Variants in CHD9 observed in about 807,000 individuals in gnomAD.
CHD9 encodes ATP-dependent chromatin remodeler CHD9.
CHD9 carries 77 observed loss-of-function variants against 316.1 expected under a neutral mutation model. That is an observed-to-expected ratio of 0.24 (90% CI 0.20 to 0.29). The LOEUF is 0.29. Ranked by LOEUF, CHD9 falls within the 10% of genes least tolerant of loss-of-function variation. The pLI is 1.00. For missense variants in CHD9, 2,763 were observed against 3,438.1 expected, an observed-to-expected ratio of 0.80 and a Z score of 4.91; for synonymous variants, 1,129 against 1,158.3, an observed-to-expected ratio of 0.97 and a Z score of 0.51.
At chr16:53,192,771 A>C (rs1490046462) in intron 2 of CHD9, among the ~76,000 whole-genome samples, 1 of 152,190 alleles carries the variant, frequency 6.6e-6, no homozygotes, top group Admixed American at 6.5e-5. Flanking sequence ...ACTTCTGTTT[A>C]GCATAGAACA....
chr16:53,231,775 A>G lies in CHD9; in HGVS notation c.2502A>G (p.Thr834=). 6.3e-7 allele frequency: 1 copy of G among 1,598,964 alleles called. No individual in the cohort carries two copies. The highest frequency in any genetic ancestry group is 8.5e-7 in the Non-Finnish European group (1 of 1,175,926). ...FEQLQASRPD[T]RRLDRPPSNI... ...AACTGCAAGCTTCAAGGCCTGACAC[A>G]AGACGTTTGGTAAGAACCTGTTTTA... The change falls in exon 10 of 39, where the codon ACA becomes ACG. Residue 834 remains threonine, a synonymous_variant. Transcript: ENST00000447540.
At chr16:53,089,768 C>A (rs1229814946) in intron 1 of CHD9, among the ~76,000 whole-genome samples, 1 of 152,142 alleles carries the variant, frequency 6.6e-6, no homozygotes, top group Admixed American at 6.5e-5. Flanking sequence ...AGACTGATGG[C>A]AGTTGAGTAT....
At position 53,231,473 on chromosome 16, in the gene CHD9, GT is replaced by G; in HGVS notation, c.2342del (p.Val781AlafsTer17). Reference protein sequence around the residue: ...DYVEVDRVLEVSFCEDKDTGE... With the variant: ...DYVEVDRVLEXSFCEDKDTGE... ...CGTTGAAGTAGACAGAGTATTAGAA[GT>G]CTCTTTTTGTGAAGATAAGGATACT... On this transcript the variant is annotated frameshift_variant, in exon 9 of 39. Coordinates refer to ENST00000447540, the MANE Select transcript of CHD9 (RefSeq NM_001308319.2). LOFTEE classifies it high-confidence loss of function. 6.3e-7 allele frequency: 1 copy of G among 1,599,762 alleles called. No homozygotes were observed. Among genetic ancestry groups the G allele is most frequent in the East Asian group, 2.2e-5 (1 of 44,670 alleles).
At chr16:53,101,279 T>C (rs1427467166) in intron 1 of CHD9, among the ~76,000 whole-genome samples, 5 of 149,776 alleles carry the variant, frequency 3.3e-5, no homozygotes, top group African/African-American at 9.8e-5. Context: ...TTTTCTTTTT[T>C]TTTTTTTTTT....
At chr16:53,283,646 T>G (rs1397272156) in intron 24 of CHD9, among the ~76,000 whole-genome samples, 4 of 152,200 alleles carry the variant, frequency 2.6e-5, no homozygotes, top group Admixed American at 2.0e-4. Flanking sequence ...TTAATCCTAC[T>G]TAATAACTCG....
At position 53,121,401 on chromosome 16, in the gene CHD9, C is replaced by T. The variant is rs556673691; in HGVS notation, c.-164-34525C>T. 8.8e-6 allele frequency: 4 copies of T among 456,036 alleles called. No homozygotes were observed. The East Asian group carries it at 2.8e-4, about 32-fold the overall frequency. The allele number at this position is 456,036 out of a possible 1,614,324, so 28.2% of individuals were successfully genotyped here. On this transcript the variant is annotated intron_variant, in intron 1 of 38. Coordinates refer to ENST00000447540, the MANE Select transcript of CHD9 (RefSeq NM_001308319.2). Reference sequence around the variant, plus strand: ...ATATTTTATCAAGGAAACCAGCAAACCGTCTTTTTCCTGAAGACCTTTTAA... The same window carrying T: ...ATATTTTATCAAGGAAACCAGCAAATCGTCTTTTTCCTGAAGACCTTTTAA...
chr16:53,231,801 G>C lies in CHD9; in HGVS notation c.2511+17G>C. The C allele has an allele frequency of 6.3e-7, 1 of 1,577,264 alleles. No individual in the cohort carries two copies. The highest frequency in any genetic ancestry group is 1.2e-5 in the South Asian group (1 of 84,774). On this transcript the variant is annotated intron_variant, in intron 10 of 38. Transcript: ENST00000447540. ...AGACGTTTGGTAAGAACCTGTTTTA[G>C]ACAGCTTTATAAAATCTTAGCACTT...
At chr16:53,106,140 G>A (rs1388000895) in intron 1 of CHD9, among the ~76,000 whole-genome samples, 1 of 152,092 alleles carries the variant, frequency 6.6e-6, no homozygotes, top group African/African-American at 2.4e-5. Flanking sequence ...TTAAATGGAT[G>A]ATTTTCATGT....
intron 1 of CHD9, among the ~76,000 whole-genome samples, chr16:53,061,492 C>T (rs990573441): frequency 2.0e-5 from 3 of 152,020 alleles, no homozygotes; most frequent in African/African-American, 4.8e-5. Context: ...AAATGTATTT[C>T]GGAAATGATC....
chr16:53,237,298 G>T (rs1288211812), intron 11 of CHD9, among the ~76,000 whole-genome samples: 1 of 151,992 alleles, frequency 6.6e-6, no homozygotes, highest in Non-Finnish European at 1.5e-5. Flanking sequence ...TCTTAGACCA[G>T]GTGCCCACAC....
chr16:53,257,573 G>A (rs771339161), intron 19 of CHD9, among the ~76,000 whole-genome samples: 41 of 152,112 alleles, frequency 2.7e-4, no homozygotes, highest in Admixed American at 9.2e-4. Flanking sequence ...ATGACTTGAA[G>A]ATTTTTTGCT....
intron 1 of CHD9, among the ~76,000 whole-genome samples, chr16:53,132,642 C>T (rs966282311): frequency 6.6e-6 from 1 of 152,134 alleles, no homozygotes. Context: ...GTTTACAGAA[C>T]GTGAATTTAG....
intron 36 of CHD9, 125 bp from the exon 37 acceptor site, chr16:53,318,087 T>G (rs1257033690): frequency 3.8e-5 from 27 of 712,826 alleles, no homozygotes; most frequent in Non-Finnish European, 5.7e-5. Context: ...AGTTTAGATA[T>G]TTTTAAAATG....
intron 2 of CHD9, among the ~76,000 whole-genome samples, chr16:53,168,085 G>A (rs898684364): frequency 4.6e-5 from 7 of 151,366 alleles, no homozygotes; most frequent in African/African-American, 1.2e-4. Context: ...TTTTTGAGAC[G>A]GAGTCTTGCT....
chr16:53,231,529 T>TTTAAGTAAGAAAAATCTGAAAAC, intron 9 of CHD9, 24 bp downstream of exon 9: 1 of 1,478,346 alleles, frequency 6.8e-7, no homozygotes, highest in Non-Finnish European at 9.3e-7. Context: ...AAAAAGATTT[T>TTTAAGTAAGAAAAATCTGAAAAC]TTAAGTAAGA....
At chr16:53,083,740 G>T (rs545810948) in intron 1 of CHD9, among the ~76,000 whole-genome samples, 1 of 150,488 alleles carries the variant, frequency 6.6e-6, no homozygotes, top group African/African-American at 2.5e-5. Context: ...CCCACCCCCC[G>T]ACTTCTTTGT....
intron 2 of CHD9, chr16:53,208,115 C>A (rs2046028696): frequency 3.9e-6 from 4 of 1,037,052 alleles, no homozygotes; most frequent in Non-Finnish European, 4.7e-6. Context: ...CTTTTTCATA[C>A]CTAAATAGGA....
rs368806986 is a variant in CHD9, at chr16:53,324,623, C to G, written c.8422C>G (p.Leu2808Val). Reference sequence around the variant, plus strand: ...TAATATACTTTATCCAGGGATGCTTCTCACTCCAGGCCTTAATCTTCATAT... The same window carrying G: ...TAATATACTTTATCCAGGGATGCTTGTCACTCCAGGCCTTAATCTTCATAT... ...LSNILYPGML[L>V]TPGLNLHIPT... is the part of the protein sequence containing the mutation. Residue 2808 changes from leucine (L) to valine (V), a missense_variant, in exon 39 of 39, where the codon CTC (leucine) becomes GTC (valine). Transcript: ENST00000447540. The G allele has an allele frequency of 6.2e-7, 1 of 1,613,628 alleles. No homozygotes were observed. Among genetic ancestry groups the G allele is most frequent in the Non-Finnish European group, 8.5e-7 (1 of 1,179,844 alleles).
At chr16:53,153,509 T>A (rs1020583298) in intron 1 of CHD9, among the ~76,000 whole-genome samples, 25 of 152,136 alleles carry the variant, frequency 1.6e-4, no homozygotes, top group Non-Finnish European at 2.9e-4. Flanking sequence ...GGAAACTTTT[T>A]AAAAGTAATT....
Sources: gnomAD v4.1 joint callset for allele counts (sites outside exome capture counted in the v4.1 genomes callset) on GRCh38, gnomAD v4.1.1 for gene constraint, MANE v1.5 for transcripts, NCBI Gene and HGNC (gene_info 2026-07-23, HGNC 2026-07-21) for gene names.